The following PLBD1 variants were observed in gnomAD, a reference collection of about 807,000 sequenced individuals.
PLBD1 encodes lysosomal leucine aminopeptidase.
In PLBD1, 60 loss-of-function variants were observed where a neutral mutation model predicts 63.0. That is an observed-to-expected ratio of 0.95 (90% CI 0.77 to 1.18). The LOEUF (loss-of-function observed/expected upper bound fraction) is 1.18. PLBD1 is among the 50% of genes most tolerant of loss of function. The pLI is 0.00. For missense variants in PLBD1, 598 were observed against 677.9 expected (o/e 0.88, Z 1.31); for synonymous variants, 262 against 248.0 (o/e 1.06, Z -0.53).
intron 4 of PLBD1, 101 bp from the exon 5 acceptor site, chr12:14,536,811 G>A (rs1311946199): frequency 1.4e-6 from 2 of 1,433,898 alleles, no homozygotes; most frequent in Non-Finnish European, 9.5e-7. Flanking sequence ...CTTGCAGGCT[G>A]TGCATGGTGG....
chr12:14,507,598 C>A (rs905053941), intron 8 of PLBD1, among the ~76,000 whole-genome samples: 1 of 152,048 alleles, frequency 6.6e-6, no homozygotes, highest in East Asian at 1.9e-4. Flanking sequence ...ATTCTAGGCT[C>A]AGGGCTTAAG....
At chr12:14,551,786 T>C (rs1251141924) in intron 2 of PLBD1, among the ~76,000 whole-genome samples, 1 of 152,182 alleles carries the variant, frequency 6.6e-6, no homozygotes, top group Non-Finnish European at 1.5e-5. Context: ...TTGGTTCAAA[T>C]TGTTTCTTCA....
In PLBD1 at chr12:14,567,747, C is replaced by T. The variant is rs978954281; in HGVS notation, c.-51G>A. 4.3e-6 allele frequency: 6 copies of T among 1,382,276 alleles called. No homozygotes were observed. The highest frequency in any genetic ancestry group is 5.6e-6 in the Non-Finnish European group (6 of 1,079,644). 85.6% of individuals were successfully genotyped at this position (1,382,276 alleles called of 1,614,324 possible). A position where few individuals can be genotyped will look rare whatever the true frequency, so the allele number is the denominator to read the frequency against. The stretch of plus-strand genomic sequence containing the variant: ...GCGGGATCAGGCGGCCGCGGTGGCC[C>T]GCGGTGGCAGAAGTTGCAAGAGAGG... On this transcript the variant is annotated 5_prime_UTR_variant, in exon 1 of 11. Coordinates refer to ENST00000240617, the MANE Select transcript of PLBD1 (RefSeq NM_024829.6).
chr12:14,529,361 C>T (rs578004259), intron 6 of PLBD1, among the ~76,000 whole-genome samples: 1 of 151,990 alleles, frequency 6.6e-6, no homozygotes, highest in African/African-American at 2.4e-5. Flanking sequence ...AAATATGTCT[C>T]ATGAATGTAA....
intron 10 of PLBD1, among the ~76,000 whole-genome samples, 179 bp from the exon 11 acceptor site, chr12:14,504,133 T>G (rs529622994): frequency 1.3e-5 from 2 of 152,280 alleles, no homozygotes; most frequent in South Asian, 4.1e-4. Flanking sequence ...CATTGCAACC[T>G]CTGCCTCCCA....
chr12:14,533,515 C>T (rs1384990538), intron 6 of PLBD1, among the ~76,000 whole-genome samples: 1 of 152,204 alleles, frequency 6.6e-6, no homozygotes, highest in Admixed American at 6.5e-5. Flanking sequence ...CCTTCTCCAT[C>T]ACTACCTCTG....
chr12:14,518,505 AG>A (rs1327794446), intron 6 of PLBD1, among the ~76,000 whole-genome samples: 2 of 152,160 alleles, frequency 1.3e-5, no homozygotes, highest in African/African-American at 4.8e-5. Context: ...TCTCAAATCT[AG>A]GGTATGAAAG....
chr12:14,534,304 G>C (rs927217860), intron 6 of PLBD1, among the ~76,000 whole-genome samples: 9 of 152,102 alleles, frequency 5.9e-5, no homozygotes, highest in Non-Finnish European at 1.0e-4. Flanking sequence ...TTAGATGTTT[G>C]GTGTTTTCCC....
In PLBD1 at chr12:14,553,365, G is replaced by C; in HGVS notation, c.163C>G (p.Gln55Glu). The C allele has an allele frequency of 1.2e-6, 2 of 1,614,118 alleles. No individual in the cohort carries two copies. Among genetic ancestry groups the C allele is most frequent in the Non-Finnish European group, 1.7e-6 (2 of 1,180,026 alleles). Residue 55 changes from glutamine to glutamate, a missense_variant, in exon 2 of 11, where the codon CAA becomes GAA. By Grantham distance (29) the Gln-to-Glu change is conservative. Coordinates refer to ENST00000240617, the MANE Select transcript of PLBD1 (RefSeq NM_024829.6). ...AYWMPAEKTV[Q>E]VKNVMDKNGD... The stretch of plus-strand genomic sequence containing the variant: ...TTCTTGTCCATTACATTTTTGACTT[G>C]TACTGTCTTTTCAGCAGGCATCCAG...
intron 6 of PLBD1, among the ~76,000 whole-genome samples, chr12:14,514,000 C>T (rs892271723): frequency 2.6e-5 from 4 of 152,034 alleles, no homozygotes; most frequent in African/African-American, 9.7e-5. Flanking sequence ...AGGATGGTCT[C>T]GATCTCCTGA....
At chr12:14,527,588 A>C (rs36009351) in intron 6 of PLBD1, among the ~76,000 whole-genome samples, 1 of 152,054 alleles carries the variant, frequency 6.6e-6, no homozygotes, top group Non-Finnish European at 1.5e-5. Context: ...CCTCCAGCAC[A>C]TAAGATTTCA....
chr12:14,545,080 T>C (rs1945607213), intron 2 of PLBD1, among the ~76,000 whole-genome samples: 1 of 152,130 alleles, frequency 6.6e-6, no homozygotes, highest in Admixed American at 6.6e-5. Context: ...GAACCAGGTC[T>C]TACAGTGCCT....
At chr12:14,542,077 T>C in intron 3 of PLBD1, 131 bp downstream of exon 3, 1 of 677,298 alleles carries the variant, frequency 1.5e-6, no homozygotes, top group South Asian at 1.9e-5. Context: ...TGCTATACCC[T>C]ACTACAAGAA....
intron 1 of PLBD1, among the ~76,000 whole-genome samples, chr12:14,562,334 C>T (rs1341468393): frequency 2.6e-4 from 39 of 151,796 alleles, no homozygotes; most frequent in Non-Finnish European, 1.5e-4. Flanking sequence ...GTGGCACATG[C>T]TTGTAATCCC....
intron 8 of PLBD1, among the ~76,000 whole-genome samples, chr12:14,509,797 G>A (rs1375342954): frequency 6.6e-6 from 1 of 152,096 alleles, no homozygotes; most frequent in African/African-American, 2.4e-5. Context: ...ATTCTCCCTT[G>A]TCAGGAACTC....
At chr12:14,530,432 T>C (rs894850403) in intron 6 of PLBD1, among the ~76,000 whole-genome samples, 2 of 152,110 alleles carry the variant, frequency 1.3e-5, no homozygotes, top group Non-Finnish European at 2.9e-5. Flanking sequence ...GCCACTAATG[T>C]TTGGAGCAAT....
At chr12:14,514,021 T>C (rs904867241) in intron 6 of PLBD1, among the ~76,000 whole-genome samples, 5 of 152,074 alleles carry the variant, frequency 3.3e-5, no homozygotes, top group Admixed American at 6.5e-5. Context: ...CCTCATGATC[T>C]GCCCGCCTCG....
At chr12:14,534,695 C>A (rs1945498056) in intron 6 of PLBD1, among the ~76,000 whole-genome samples, 1 of 152,164 alleles carries the variant, frequency 6.6e-6, no homozygotes, top group East Asian at 1.9e-4. Context: ...AGGCGCCCGC[C>A]ACCACGCCTG....
intron 1 of PLBD1, chr12:14,553,814 G>A (rs1241447238): frequency 4.5e-6 from 1 of 224,466 alleles, no homozygotes; most frequent in Non-Finnish European, 9.1e-6. Flanking sequence ...CTCTATCAGG[G>A]ATGATCGTCC....
Sources: allele counts gnomAD v4.1 joint callset (sites outside exome capture counted in the v4.1 genomes callset), GRCh38; gene constraint gnomAD v4.1.1; transcripts MANE v1.5; gene names NCBI Gene and HGNC (gene_info 2026-07-23, HGNC 2026-07-21).